Variants in ABLIM1 observed in about 807,000 individuals in gnomAD.
ABLIM1 encodes the protein actin binding LIM protein 1.
ABLIM1 carries 40 observed loss-of-function variants against 107.0 expected under a neutral mutation model. The observed-to-expected ratio is 0.37, with a 90% CI of 0.29 to 0.49. ABLIM1 has a LOEUF of 0.49. Ranked by LOEUF, ABLIM1 falls within the 20% of genes least tolerant of loss-of-function variation. The pLI, the probability that ABLIM1 is intolerant of heterozygous loss-of-function variation, is 0.97. For synonymous variants in ABLIM1, 357 were observed against 357.3 expected, an observed-to-expected ratio of 1.00 and a Z score of 0.01; for missense variants, 857 against 1,008.5, an observed-to-expected ratio of 0.85 and a Z score of 2.04.
intron 6 of ABLIM1, among the ~76,000 whole-genome samples, chr10:114,544,286 T>A (rs943047943): frequency 1.3e-5 from 2 of 152,194 alleles, no homozygotes; most frequent in African/African-American, 4.8e-5. Flanking sequence ...GCAGTCTTAC[T>A]TCTTCCTTGG....
At chr10:114,560,554 T>C (rs554730409) in intron 4 of ABLIM1, among the ~76,000 whole-genome samples, 1 of 152,354 alleles carries the variant, frequency 6.6e-6, no homozygotes, top group Non-Finnish European at 1.5e-5. Context: ...TCACATGCTA[T>C]ACAGGTTTGT....
chr10:114,555,584 C>T (rs910998270), intron 4 of ABLIM1, among the ~76,000 whole-genome samples: 3 of 151,980 alleles, frequency 2.0e-5, no homozygotes, highest in African/African-American at 4.8e-5. Context: ...GTAAAGACTA[C>T]GTAGAGAACT....
intron 5 of ABLIM1, 106 bp downstream of exon 5, chr10:114,547,544 A>C (rs1160033908): frequency 7.6e-6 from 11 of 1,443,590 alleles, no homozygotes; most frequent in Non-Finnish European, 1.0e-5. Flanking sequence ...GGATGTGAAC[A>C]ATTTCAGCAC....
rs1231037552 is a variant in ABLIM1, at chr10:114,544,540, A to G, written c.894+465T>C. 2.0e-5 allele frequency among the ~76,000 whole-genome samples: 3 copies of G among 152,112 alleles called. No individual in the cohort carries two copies. The East Asian group carries it at 5.8e-4, about 29-fold the overall frequency. ...GGGTCACACAGGATGTGGTTTTTGA[A>G]GTTTGGGGAAGCCAATGCCTCTACC... On this transcript the variant is annotated intron_variant, in intron 6 of 22. Coordinates refer to ENST00000533213, the MANE Select transcript of ABLIM1 (RefSeq NM_002313.7).
intron 4 of ABLIM1, among the ~76,000 whole-genome samples, chr10:114,557,671 G>GTTTTGTTTTTTTTTT (rs1555173409): frequency 1.4e-5 from 1 of 72,482 alleles, no homozygotes; most frequent in Non-Finnish European, 2.4e-5. Context: ...ATAGTGAGGT[G>GTTTTGTTTTTTTTTT]TTTTTTTTTT....
chr10:114,508,822 C>T (rs1337459687), intron 6 of ABLIM1, among the ~76,000 whole-genome samples: 4 of 152,196 alleles, frequency 2.6e-5, no homozygotes, highest in South Asian at 2.1e-4. Context: ...GTGGTCACCA[C>T]ACAGTGATTA....
intron 1 of ABLIM1, among the ~76,000 whole-genome samples, chr10:114,724,161 T>C (rs2081908616): frequency 6.6e-6 from 1 of 152,206 alleles, no homozygotes; most frequent in South Asian, 2.1e-4. Context: ...GATATTTACA[T>C]TGCACATTCA....
chr10:114,772,439 C>CAA (rs68085342), upstream of ABLIM1, among the ~76,000 whole-genome samples: 7 of 145,464 alleles, frequency 4.8e-5, no homozygotes, highest in African/African-American at 7.6e-5. Context: ...CTAACTCTAC[C>CAA]AAAAAAAAAA....
At chr10:114,675,512 G>C (rs1451241690) in intron 1 of ABLIM1, among the ~76,000 whole-genome samples, 3 of 152,204 alleles carry the variant, frequency 2.0e-5, no homozygotes, top group Non-Finnish European at 4.4e-5. Context: ...GGCCTCCTCA[G>C]CCATGTGGAA....
chr10:114,739,004 T>C (rs1036514207), intron 1 of ABLIM1, among the ~76,000 whole-genome samples: 1 of 152,164 alleles, frequency 6.6e-6, no homozygotes, highest in African/African-American at 2.4e-5. Context: ...ACTTAAAATC[T>C]CCAGAATAGG....
rs539065663 is a variant in ABLIM1, at chr10:114,618,124, G to T, written c.245-16163C>A. 3.3e-5 allele frequency among the ~76,000 whole-genome samples: 5 copies of T among 152,276 alleles called. No individual in the cohort carries two copies. The East Asian group carries it at 9.6e-4, about 29-fold the overall frequency. On this transcript the variant is annotated intron_variant, in intron 1 of 22. Coordinates refer to ENST00000533213, the MANE Select transcript of ABLIM1 (RefSeq NM_002313.7). The stretch of plus-strand genomic sequence containing the variant: ...CATTAGCTACTGACATCCTGTTTCT[G>T]CAGGTGAAGATTCGGCTCTTACCAA...
intron 2 of ABLIM1, among the ~76,000 whole-genome samples, chr10:114,589,303 G>A (rs779338136): frequency 6.0e-5 from 9 of 151,060 alleles, no homozygotes; most frequent in Non-Finnish European, 1.0e-4. Context: ...GCTGAGGCAG[G>A]TAGATCACCT....
At position 114,566,399 on chromosome 10, in the gene ABLIM1, CCA is replaced by C. The variant is rs559939944; in HGVS notation, c.673+4896_673+4897del. 1.4e-3 allele frequency among the ~76,000 whole-genome samples: 214 copies of C among 152,282 alleles called. 1 individual carries two copies. Among genetic ancestry groups the C allele is most frequent in the African/African-American group, 5.0e-3 (209 of 41,558 alleles). On this transcript the variant is annotated intron_variant, in intron 4 of 22. Transcript: ENST00000533213. ...ACCCGATTCCCTACACTCTCAGTTG[CCA>C]CACACAGACTTTCTCTCACATCCCT...
intron 1 of ABLIM1, among the ~76,000 whole-genome samples, chr10:114,743,260 G>T (rs1326449405): frequency 6.6e-6 from 1 of 152,134 alleles, no homozygotes; most frequent in Admixed American, 6.5e-5. Flanking sequence ...GGGCAATGAG[G>T]TTAGATATTA....
intron 1 of ABLIM1, among the ~76,000 whole-genome samples, chr10:114,758,585 TG>T (rs1314506070): frequency 1.3e-5 from 2 of 152,200 alleles, no homozygotes; most frequent in Non-Finnish European, 2.9e-5. Flanking sequence ...CCCCAGACTC[TG>T]GGACTCCTCT....
In ABLIM1 at chr10:114,431,930, C is replaced by T. The variant is rs111614372; in HGVS notation, c.*4330G>A. The T allele has an allele frequency of 6.6e-6, 1 of 152,232 alleles. No individual in the cohort carries two copies. The highest frequency in any genetic ancestry group is 1.9e-4 in the East Asian group (1 of 5,178). The allele number at this position is 152,232 out of a possible 1,614,324, so 9.4% of individuals were successfully genotyped here. A position where few individuals can be genotyped will look rare whatever the true frequency, so the allele number is the denominator to read the frequency against. On this transcript the variant is annotated 3_prime_UTR_variant, in exon 23 of 23. Coordinates refer to ENST00000533213, the MANE Select transcript of ABLIM1 (RefSeq NM_002313.7). ...ATAACAATCCATATGCAAAGCATAT[C>T]TGCCACCACCTCCCACTGCTTCCTG...
intron 4 of ABLIM1, among the ~76,000 whole-genome samples, chr10:114,561,345 A>C (rs780572289): frequency 1.3e-5 from 2 of 152,252 alleles, no homozygotes; most frequent in African/African-American, 4.8e-5. Flanking sequence ...CTGTCACTTA[A>C]TACACACATG....
intron 2 of ABLIM1, among the ~76,000 whole-genome samples, chr10:114,577,088 G>A (rs747907096): frequency 1.3e-5 from 2 of 152,118 alleles, no homozygotes; most frequent in Non-Finnish European, 2.9e-5. Flanking sequence ...TGGGGGTAGC[G>A]GGTCACAGAA....
chr10:114,792,956 A>C, the ABLIM1 span, among the ~76,000 whole-genome samples: 1 of 152,138 alleles, frequency 6.6e-6, no homozygotes, highest in African/African-American at 2.4e-5. Context: ...GTTCGAGACA[A>C]GCCTAGCCAA....
Sources: allele counts gnomAD v4.1 joint callset (sites outside exome capture counted in the v4.1 genomes callset), GRCh38; gene constraint gnomAD v4.1.1; transcripts MANE v1.5; gene names NCBI Gene and HGNC (gene_info 2026-07-23, HGNC 2026-07-21).